CDH15: variants seen among roughly 807,000 people sequenced by gnomAD.
The protein encoded by CDH15 is cadherin 15, also known as cadherin-15.
In CDH15, 73 loss-of-function variants were observed where a neutral mutation model predicts 69.4. The ratio of observed to expected loss-of-function variants is 1.05; its 90% confidence interval spans 0.87 to 1.28. CDH15 has a LOEUF of 1.28. Ranked by LOEUF, CDH15 falls within the 50% of genes most tolerant of loss-of-function variation. The pLI is 0.00. For missense variants in CDH15, 1,343 were observed against 1,133.6 expected (o/e 1.18, Z -2.65); for synonymous variants, 624 against 507.7 (o/e 1.23, Z -3.08).
rs1360951726 is a variant in CDH15, at chr16:89,195,161, G to A, written c.*6G>A. The A allele has an allele frequency of 6.3e-7, 1 of 1,574,956 alleles. No individual in the cohort carries two copies. Among genetic ancestry groups the A allele is most frequent in the African/African-American group, 1.3e-5 (1 of 74,528 alleles). On this transcript the variant is annotated 3_prime_UTR_variant, in exon 14 of 14. Transcript: ENST00000289746. ...ACAGAGGCCGGACAGCCTGACCCTG[G>A]GGCGCAACTGGACATGCCACTCCCC...
Position 89,180,266 on chromosome 16 carries a change from G to A in CDH15, c.268G>A (p.Glu90Lys). 2 of 1,609,984 alleles carry A rather than the reference G, an allele frequency of 1.2e-6. No homozygotes were observed. Among genetic ancestry groups the A allele is most frequent in the East Asian group, 2.2e-5 (1 of 44,658 alleles). Reference sequence around the variant, plus strand: ...CATCCAGGGACCCGGCGTGGATGAGGAGCCCCGGGGCGTCTTCTCTATCGA... The same window carrying A: ...CATCCAGGGACCCGGCGTGGATGAGAAGCCCCGGGGCGTCTTCTCTATCGA... ...YSIQGPGVDEEPRGVFSIDKF... is the reference protein window; with the variant it reads ...YSIQGPGVDEKPRGVFSIDKF... Residue 90 changes from glutamate (E) to lysine (K), a missense_variant, in exon 3 of 14, where the codon GAG (glutamate) becomes AAG (lysine). Transcript: ENST00000289746.
intron 1 of CDH15, among the ~76,000 whole-genome samples, chr16:89,178,764 T>C (rs1210013080): frequency 6.6e-6 from 1 of 152,232 alleles, no homozygotes; most frequent in African/African-American, 2.4e-5. Context: ...GGACTGGAGC[T>C]GAACTCTCGC....
chr16:89,192,157 T>C (rs1358558900), intron 10 of CDH15, 48 bp from the exon 11 acceptor site: 4 of 1,484,534 alleles, frequency 2.7e-6, no homozygotes, highest in Non-Finnish European at 3.6e-6. Context: ...GCAGGCGAAG[T>C]GGGGGCGGCC....
Position 89,183,669 on chromosome 16 carries a change from G to T in CDH15, c.479G>T (p.Arg160Leu), listed in dbSNP as rs369302977. 4 of 1,608,228 alleles carry T rather than the reference G, an allele frequency of 2.5e-6. No homozygotes were observed. In the African/African-American group the frequency reaches 4.0e-5, roughly 16 times the overall value. The change falls in exon 4 of 14, where the codon CGC becomes CTC. Residue 160 changes from arginine to leucine, a missense_variant. Coordinates refer to ENST00000289746, the MANE Select transcript of CDH15 (RefSeq NM_004933.3). The stretch of plus-strand genomic sequence containing the variant: ...TTCCTGCAGGAGGCGTTCACTGGCC[G>T]CGTGCTGGAGGGTGCAGTCCCAGGT... Reference protein sequence around the residue: ...PAFLQEAFTGRVLEGAVPGTY... With the variant: ...PAFLQEAFTGLVLEGAVPGTY...
chr16:89,192,566 C>T (rs1915676883), intron 11 of CDH15, 122 bp downstream of exon 11: 1 of 762,496 alleles, frequency 1.3e-6, no homozygotes, highest in Non-Finnish European at 2.1e-6. Context: ...AACCCCGCCC[C>T]CTCATTACCA....
intron 7 of CDH15, among the ~76,000 whole-genome samples, chr16:89,188,829 C>T (rs1260804998): frequency 2.2e-4 from 20 of 91,656 alleles, no homozygotes; most frequent in African/African-American, 7.1e-4. Context: ...CAGATGCCCA[C>T]GCACAGGTGC....
Position 89,191,755 on chromosome 16 carries a change from C to G in CDH15, c.1476C>G (p.Cys492Trp). 2 of 1,604,796 alleles carry G rather than the reference C, an allele frequency of 1.2e-6. No homozygotes were observed. The highest frequency in any genetic ancestry group is 1.7e-4 in the Middle Eastern group (1 of 6,052). Reference sequence around the variant, plus strand: ...CCCCGCCGCCGCCGGGCAGCCTGTGCAGCGAGCCACACCAAGGCCCAGGCC... The same window carrying G: ...CCCCGCCGCCGCCGGGCAGCCTGTGGAGCGAGCCACACCAAGGCCCAGGCC... ...VLAPPPPGSL[C>W]SEPHQGPGLL... is the part of the protein sequence containing the mutation. Residue 492 changes from cysteine (C) to tryptophan (W), a missense_variant, in exon 10 of 14, where the codon TGC (cysteine) becomes TGG (tryptophan). Cys to Trp is a radical substitution (Grantham distance 215, BLOSUM62 -2). Transcript: ENST00000289746.
In CDH15 at chr16:89,185,311, T is replaced by C. The variant is rs766348243; in HGVS notation, c.641T>C (p.Val214Ala). Reference protein sequence around the residue: ...IDELTGEIRTVQVGLDREVVA... With the variant: ...IDELTGEIRTAQVGLDREVVA... ...GAGCTCACAGGAGAGATCCGCACAG[T>C]GCAAGTGGGGCTGGACCGCGAGGTG... Residue 214 changes from valine to alanine, a missense_variant, in exon 5 of 14, where the codon GTG (valine) becomes GCG (alanine). Coordinates refer to ENST00000289746, the MANE Select transcript of CDH15 (RefSeq NM_004933.3). 2 of 1,604,780 alleles carry C rather than the reference T, an allele frequency of 1.2e-6. No individual in the cohort carries two copies. Among genetic ancestry groups the C allele is most frequent in the Admixed American group, 3.4e-5 (2 of 59,238 alleles).
rs756333277 is a variant in CDH15, at chr16:89,185,282, C to T, written c.612C>T (p.Ile204=). The stretch of plus-strand genomic sequence containing the variant: ...AGGGCAGCCCCGAGCTCTTCAGCAT[C>T]GACGAGCTCACAGGAGAGATCCGCA... ...LQQGSPELFS[I]DELTGEIRTV... The change falls in exon 5 of 14, where the codon ATC becomes ATT. Residue 204 remains isoleucine, a synonymous_variant. Coordinates refer to ENST00000289746, the MANE Select transcript of CDH15 (RefSeq NM_004933.3). The T allele has an allele frequency of 6.2e-6, 10 of 1,606,182 alleles. No individual in the cohort carries two copies. Among genetic ancestry groups the T allele is most frequent in the African/African-American group, 5.3e-5 (4 of 74,798 alleles).
chr16:89,171,838 G>A lies in CDH15; in HGVS notation c.7G>A (p.Ala3Thr). The A allele has an allele frequency of 1.3e-6, 2 of 1,558,974 alleles. No individual in the cohort carries two copies. The highest frequency in any genetic ancestry group is 1.7e-4 in the Middle Eastern group (1 of 5,998). ...GGCTCCCGCCTCGGCCCCGATGGACGCCGCGTTCCTCCTCGTCCTCGGGCT... is the reference window on the plus strand; with the variant it reads ...GGCTCCCGCCTCGGCCCCGATGGACACCGCGTTCCTCCTCGTCCTCGGGCT... MD[A>T]AFLLVLGLLA... is the part of the protein sequence containing the mutation. Residue 3 changes from alanine (A) to threonine (T), a missense_variant, in exon 1 of 14, where the codon GCC becomes ACC. Coordinates refer to ENST00000289746, the MANE Select transcript of CDH15 (RefSeq NM_004933.3).
rs753262958 is a variant in CDH15 at position 89,193,518 on chromosome 16, G to T, written c.1904G>T (p.Arg635Leu). The T allele has an allele frequency of 1.2e-6, 2 of 1,612,040 alleles. No individual in the cohort carries two copies. Among genetic ancestry groups the T allele is most frequent in the Non-Finnish European group, 1.7e-6 (2 of 1,179,740 alleles). The part of the protein sequence containing the change: ...ALRARFWKQS[R>L]GKGLLHGPQD... ...CGGGCGCGGTTCTGGAAGCAGTCTC[G>T]GGGCAAGGGGCTGCTGCACGGCCCC... is the stretch of plus-strand genomic sequence containing the variant. The change falls in exon 12 of 14, where the codon CGG (arginine) becomes CTG (leucine). Residue 635 changes from arginine (R) to leucine (L), a missense_variant. Coordinates refer to ENST00000289746, the MANE Select transcript of CDH15 (RefSeq NM_004933.3).
chr16:89,194,082 C>T (rs1915730467), intron 13 of CDH15, among the ~76,000 whole-genome samples, 169 bp downstream of exon 13: 1 of 152,232 alleles, frequency 6.6e-6, no homozygotes, highest in African/African-American at 2.4e-5. Flanking sequence ...TGTGGAAGCC[C>T]CGCTGCCACC....
intron 11 of CDH15, among the ~76,000 whole-genome samples, chr16:89,193,266 C>T (rs1295611047): frequency 7.0e-6 from 1 of 142,778 alleles, no homozygotes; most frequent in Admixed American, 7.0e-5. Flanking sequence ...CAACCCGGCC[C>T]CCTCCTCCCT....
chr16:89,181,018 G>A (rs1272995136), intron 3 of CDH15, among the ~76,000 whole-genome samples: 2 of 140,076 alleles, frequency 1.4e-5, no homozygotes, highest in African/African-American at 5.3e-5. Flanking sequence ...CGCCCAGGCT[G>A]GAGTGCAGTG....
chr16:89,191,625 G>T, intron 9 of CDH15, 30 bp from the exon 10 acceptor site: 1 of 1,569,192 alleles, frequency 6.4e-7, no homozygotes, highest in Non-Finnish European at 8.6e-7. Context: ...GGGTGTTGGG[G>T]TCACTAAGCC....
intron 1 of CDH15, among the ~76,000 whole-genome samples, chr16:89,176,792 C>T (rs1915266633): frequency 1.3e-5 from 2 of 152,174 alleles, no homozygotes; most frequent in African/African-American, 2.4e-5. Context: ...GAAAGGGGAG[C>T]TGAGGAGTTT....
At chr16:89,194,699 C>A (rs372566505) in intron 13 of CDH15, among the ~76,000 whole-genome samples, 163 bp from the exon 14 acceptor site, 1 of 152,194 alleles carries the variant, frequency 6.6e-6, no homozygotes, top group Non-Finnish European at 1.5e-5. Context: ...TGCTGCTGTG[C>A]CCTCAGGACG....
intron 1 of CDH15, among the ~76,000 whole-genome samples, chr16:89,173,477 T>C (rs560234072): frequency 2.0e-5 from 3 of 152,120 alleles, no homozygotes; most frequent in African/African-American, 4.8e-5. Flanking sequence ...TGGGGGACAA[T>C]AACCCCCTCC....
At chr16:89,194,841 G>C in intron 13 of CDH15, 21 bp from the exon 14 acceptor site, 1 of 1,589,808 alleles carries the variant, frequency 6.3e-7, no homozygotes, top group Non-Finnish European at 8.6e-7. Flanking sequence ...TGTGTCTTGA[G>C]CTCTCCGGGC....
Sources: allele counts gnomAD v4.1 joint callset (sites outside exome capture counted in the v4.1 genomes callset), GRCh38; gene constraint gnomAD v4.1.1; transcripts MANE v1.5; gene names NCBI Gene and HGNC (gene_info 2026-07-23, HGNC 2026-07-21).